Variants in SMYD3 observed in about 807,000 individuals in gnomAD.
SMYD3 encodes the protein histone-lysine N-methyltransferase SMYD3.
In SMYD3, 36 loss-of-function variants were observed where a neutral mutation model predicts 57.7. That is an observed-to-expected ratio of 0.62 (90% CI 0.48 to 0.82). The LOEUF (loss-of-function observed/expected upper bound fraction) is 0.82, where lower values mean the gene tolerates loss of function less well. Among genes scored for constraint, SMYD3 ranks in the 40% least tolerant of loss-of-function variants. The pLI, the probability that SMYD3 is intolerant of heterozygous loss-of-function variation, is 0.00. For synonymous variants in SMYD3, 211 were observed against 195.0 expected (o/e 1.08, Z -0.68); for missense variants, 515 against 538.8 (o/e 0.96, Z 0.44).
intron 1 of SMYD3, among the ~76,000 whole-genome samples, chr1:246,477,882 C>G (rs534637195): frequency 6.0e-5 from 8 of 133,778 alleles, no homozygotes; most frequent in African/African-American, 2.2e-4. Context: ...TCTACTGCAG[C>G]ACAAAAGCCA....
At chr1:246,123,719 T>C (rs1262668270) in intron 5 of SMYD3, among the ~76,000 whole-genome samples, 1 of 152,160 alleles carries the variant, frequency 6.6e-6, no homozygotes, top group Non-Finnish European at 1.5e-5. Flanking sequence ...TTGTATTACA[T>C]GCTTGTATTG....
intron 1 of SMYD3, among the ~76,000 whole-genome samples, chr1:246,372,101 G>A (rs569750920): frequency 6.6e-6 from 1 of 152,304 alleles, no homozygotes; most frequent in South Asian, 2.1e-4. Flanking sequence ...CAAAGAAGAG[G>A]CCTTAAGAGA....
At chr1:246,426,797 A>G (rs531651688) in intron 1 of SMYD3, among the ~76,000 whole-genome samples, 77 of 152,304 alleles carry the variant, frequency 5.1e-4, no homozygotes, top group African/African-American at 1.8e-3. Flanking sequence ...GAGGAAAATC[A>G]TATGTTTCTA....
rs751311058 is a variant in SMYD3, at chr1:246,129,439, A to AAGC, written c.531+197759_531+197761dup. The stretch of plus-strand genomic sequence containing the variant: ...AAAAGTAGAAATTAAGAATAGAGTA[A>AAGC]AGCATGGTTGACCTCAGCTTTTTTG... On this transcript the variant is annotated intron_variant, in intron 5 of 11. Transcript: ENST00000490107. Among the ~76,000 whole-genome samples the AAGC allele has an allele frequency of 2.0e-4, 30 of 152,268 alleles. No homozygotes were observed. The South Asian group carries it at 3.5e-3, about 18-fold the overall frequency.
intron 8 of SMYD3, among the ~76,000 whole-genome samples, chr1:245,867,645 TGC>T (rs1475626410): frequency 4.0e-4 from 54 of 135,244 alleles, no homozygotes; most frequent in Non-Finnish European, 7.7e-4. Context: ...GATATGTGCA[TGC>T]GCGTGCGTGT....
chr1:246,255,358 C>T (rs1394956222), intron 5 of SMYD3, among the ~76,000 whole-genome samples: 2 of 150,794 alleles, frequency 1.3e-5, no homozygotes, highest in African/African-American at 2.4e-5. Context: ...TCCTTCAATG[C>T]CTGGTTTCTT....
At chr1:246,284,420 C>CTTTTT (rs11354241) in intron 5 of SMYD3, among the ~76,000 whole-genome samples, 1 of 141,412 alleles carries the variant, frequency 7.1e-6, no homozygotes, top group African/African-American at 2.6e-5. Context: ...TTTTCTTTTT[C>CTTTTT]TTTTTTTTTT....
chr1:246,106,457 T>C (rs936985621), intron 5 of SMYD3, among the ~76,000 whole-genome samples: 5 of 151,746 alleles, frequency 3.3e-5, no homozygotes, highest in Admixed American at 1.3e-4. Context: ...ATTATCATGA[T>C]TTTTAAACAG....
intron 8 of SMYD3, among the ~76,000 whole-genome samples, chr1:245,878,302 C>T (rs531192135): frequency 1.1e-4 from 16 of 152,200 alleles, no homozygotes; most frequent in East Asian, 3.9e-4. Flanking sequence ...AGTGTGGGCA[C>T]GTTTATGCCA....
chr1:246,266,394 G>A (rs1349746289), intron 5 of SMYD3, among the ~76,000 whole-genome samples: 1 of 151,854 alleles, frequency 6.6e-6, no homozygotes, highest in South Asian at 2.1e-4. Context: ...AAAGTATTTT[G>A]TTCACATTAT....
rs910799024 is a variant in SMYD3 at position 246,507,035 on chromosome 1, G to A, written c.164+19C>T. On this transcript the variant is annotated intron_variant, in intron 1 of 11. Transcript: ENST00000490107. ...CACACAGCTCGCGACTCAGGTAGGCGAGGGCGCTCCTTACGCACCCGAGAA... is the reference window on the plus strand; with the variant it reads ...CACACAGCTCGCGACTCAGGTAGGCAAGGGCGCTCCTTACGCACCCGAGAA... 91 of 1,489,974 alleles carry A rather than the reference G, an allele frequency of 6.1e-5. 1 individual carries two copies. The highest frequency in any genetic ancestry group is 9.0e-7 in the Non-Finnish European group (1 of 1,116,792). The allele number at this position is 1,489,974 out of a possible 1,614,324, so 92.3% of individuals were successfully genotyped here.
chr1:245,935,823 T>C (rs1237676813), intron 5 of SMYD3, among the ~76,000 whole-genome samples: 1 of 152,180 alleles, frequency 6.6e-6, no homozygotes, highest in African/African-American at 2.4e-5. Flanking sequence ...ATATGTGGAA[T>C]ATTAAAAAGT....
At chr1:246,048,243 C>CA (rs1261673447) in intron 5 of SMYD3, among the ~76,000 whole-genome samples, 3 of 152,308 alleles carry the variant, frequency 2.0e-5, no homozygotes, top group African/African-American at 7.2e-5. Flanking sequence ...TATTTCATTT[C>CA]AAGCATTTCA....
Position 245,770,897 on chromosome 1 carries a change from A to T in SMYD3, c.1077-6748T>A, listed in dbSNP as rs530008732. On this transcript the variant is annotated intron_variant, in intron 10 of 11. Coordinates refer to ENST00000490107, the MANE Select transcript of SMYD3 (RefSeq NM_001167740.2). ...TAGATTAGTCAGAGCTGAGGAAAGA[A>T]TTAGTGAACTGCAAGGTAGGTCAAA... is the stretch of plus-strand genomic sequence containing the variant. Among the ~76,000 whole-genome samples the T allele has an allele frequency of 5.9e-5, 9 of 152,322 alleles. No homozygotes were observed. In the East Asian group the frequency reaches 1.5e-3, roughly 26 times the overall value.
intron 5 of SMYD3, among the ~76,000 whole-genome samples, chr1:246,076,137 A>G (rs2060542534): frequency 6.6e-6 from 1 of 152,190 alleles, no homozygotes; most frequent in Admixed American, 6.5e-5. Flanking sequence ...CACGCACATA[A>G]ACACATAAGT....
intron 5 of SMYD3, among the ~76,000 whole-genome samples, chr1:246,252,582 C>CT (rs2063815233): frequency 2.0e-5 from 3 of 152,160 alleles, no homozygotes; most frequent in East Asian, 3.9e-4. Context: ...TTAAAAGTAG[C>CT]TTTTTTCTCA....
intron 1 of SMYD3, among the ~76,000 whole-genome samples, chr1:246,382,194 G>A (rs1175514131): frequency 6.6e-6 from 1 of 151,700 alleles, no homozygotes; most frequent in Non-Finnish European, 1.5e-5. Context: ...GACACCTATG[G>A]GATCCAGCCT....
intron 10 of SMYD3, among the ~76,000 whole-genome samples, chr1:245,850,626 AG>A (rs200399440): frequency 6.6e-6 from 1 of 151,992 alleles, no homozygotes; most frequent in Non-Finnish European, 1.5e-5. Flanking sequence ...ACTTGAGCCC[AG>A]GAAGTAAACA....
rs1373290840 is a variant in SMYD3 at position 246,255,488 on chromosome 1, T to C, written c.531+71713A>G. Among the ~76,000 whole-genome samples, 5 of 152,200 alleles carry C rather than the reference T, an allele frequency of 3.3e-5. No homozygotes were observed. The East Asian group carries it at 7.7e-4, about 23-fold the overall frequency. ...TATGTGGTGAATCACACGTTTTGATTTGCATATATTGAATCAACTTTCATC... is the reference window on the plus strand; with the variant it reads ...TATGTGGTGAATCACACGTTTTGATCTGCATATATTGAATCAACTTTCATC... On this transcript the variant is annotated intron_variant, in intron 5 of 11. Coordinates refer to ENST00000490107, the MANE Select transcript of SMYD3 (RefSeq NM_001167740.2).
Sources: gnomAD v4.1 joint callset for allele counts (sites outside exome capture counted in the v4.1 genomes callset) on GRCh38, gnomAD v4.1.1 for gene constraint, MANE v1.5 for transcripts, NCBI Gene and HGNC (gene_info 2026-07-23, HGNC 2026-07-21) for gene names.